CUX2: variants seen among roughly 807,000 people sequenced by gnomAD.
CUX2 encodes homeobox protein cut-like 2.
CUX2 carries 40 observed loss-of-function variants against 144.8 expected under a neutral mutation model. That is an observed-to-expected ratio of 0.28 (90% CI 0.21 to 0.36). The LOEUF is 0.36. Among genes scored for constraint, CUX2 ranks in the 10% least tolerant of loss-of-function variants. The pLI is 1.00. For missense variants in CUX2, 1,615 were observed against 1,994.0 expected, an observed-to-expected ratio of 0.81 and a Z score of 3.62; for synonymous variants, 827 against 875.6, an observed-to-expected ratio of 0.94 and a Z score of 0.98.
chr12:111,053,080 C>T (rs76552360), intron 1 of CUX2, among the ~76,000 whole-genome samples: 6,013 of 152,136 alleles, frequency 0.04, 410 homozygotes, highest in African/African-American at 0.14. Context: ...ATACATGAGG[C>T]CGCCAGAGGA....
At chr12:111,143,020 CA>C (rs1302225085) in intron 1 of CUX2, among the ~76,000 whole-genome samples, 2 of 152,076 alleles carry the variant, frequency 1.3e-5, no homozygotes, top group African/African-American at 4.8e-5. Context: ...CTGTATCTAT[CA>C]AAAAAGGACT....
At chr12:111,133,714 G>C (rs1285952106) in intron 1 of CUX2, among the ~76,000 whole-genome samples, 1 of 152,170 alleles carries the variant, frequency 6.6e-6, no homozygotes, top group Admixed American at 6.5e-5. Flanking sequence ...GAGGTGGTTG[G>C]GGGCGGGGGT....
intron 1 of CUX2, among the ~76,000 whole-genome samples, chr12:111,105,085 C>T (rs992049529): frequency 1.3e-5 from 2 of 152,196 alleles, no homozygotes; most frequent in Non-Finnish European, 2.9e-5. Context: ...GGGACCTGGG[C>T]TCATCGCTAT....
intron 1 of CUX2, among the ~76,000 whole-genome samples, chr12:111,044,476 T>TA (rs974715107): frequency 2.3e-4 from 35 of 152,236 alleles, no homozygotes; most frequent in African/African-American, 8.4e-4. Context: ...TTTTGGCACT[T>TA]ACTGTTCCCT....
Position 111,330,716 on chromosome 12 carries a change from T to TACATATAC in CUX2, c.2927-3724_2927-3723insCATATACA, listed in dbSNP as rs1467075463. Among the ~76,000 whole-genome samples, 77 of 36,954 alleles carry TACATATAC rather than the reference T, an allele frequency of 2.1e-3. 3 individuals carry two copies. Among genetic ancestry groups the TACATATAC allele is most frequent in the East Asian group, 8.0e-3 (9 of 1,122 alleles). The allele number at this position is 36,954 out of a possible 152,430, so 24.2% of individuals were successfully genotyped here. A position where few individuals can be genotyped will look rare whatever the true frequency, so the allele number is the denominator to read the frequency against. On this transcript the variant is annotated intron_variant, in intron 18 of 21. Coordinates refer to ENST00000261726, the MANE Select transcript of CUX2 (RefSeq NM_015267.4). ...ATATATATATATATATATATATATA[T>TACATATAC]ATATATATATATATATATATATATA...
chr12:111,184,758 A>G (rs1339457660), intron 1 of CUX2, among the ~76,000 whole-genome samples: 1 of 151,934 alleles, frequency 6.6e-6, no homozygotes, highest in Non-Finnish European at 1.5e-5. Context: ...CCCTGTCTCA[A>G]AAGAAAAGAA....
intron 1 of CUX2, among the ~76,000 whole-genome samples, chr12:111,055,159 A>G (rs1358017860): frequency 1.3e-5 from 2 of 152,174 alleles, no homozygotes; most frequent in East Asian, 3.9e-4. Flanking sequence ...AAGCTGCTGT[A>G]TGTGCAGATT....
intron 4 of CUX2, among the ~76,000 whole-genome samples, chr12:111,274,470 CTGG>C (rs1200561316): frequency 1.3e-5 from 2 of 152,100 alleles, no homozygotes; most frequent in African/African-American, 4.8e-5. Context: ...GCTGTTGGTG[CTGG>C]TGGTGGTGGT....
Position 111,069,551 on chromosome 12 carries a change from T to TGC in CUX2, c.63+35319_63+35320dup, listed in dbSNP as rs983788217. Among the ~76,000 whole-genome samples the TGC allele has an allele frequency of 1.1e-3, 165 of 146,600 alleles. No homozygotes were observed. The Middle Eastern group carries it at 0.014, about 12-fold the overall frequency. ...GTGTGTGTGTGTGTGTGTGTGTGTG[T>TGC]GCGCGCGCGTGTGTGTGTGTTATTT... On this transcript the variant is annotated intron_variant, in intron 1 of 21. Coordinates refer to ENST00000261726, the MANE Select transcript of CUX2 (RefSeq NM_015267.4).
chr12:111,309,215 C>G (rs1886751765), intron 14 of CUX2, among the ~76,000 whole-genome samples: 1 of 152,202 alleles, frequency 6.6e-6, no homozygotes, highest in African/African-American at 2.4e-5. Flanking sequence ...ACCCACTGAA[C>G]TTTTAGCCTT....
chr12:111,215,550 C>T (rs988465950), intron 2 of CUX2, among the ~76,000 whole-genome samples: 5 of 152,190 alleles, frequency 3.3e-5, no homozygotes, highest in African/African-American at 1.2e-4. Context: ...AAAGCCTCTC[C>T]CATGTTGTGG....
chr12:111,053,351 A>G (rs1363128576), intron 1 of CUX2, among the ~76,000 whole-genome samples: 1 of 152,172 alleles, frequency 6.6e-6, no homozygotes, highest in Non-Finnish European at 1.5e-5. Flanking sequence ...GCCCTTTCCC[A>G]GTGTCATCTC....
intron 17 of CUX2, among the ~76,000 whole-genome samples, chr12:111,321,109 A>T (rs981491123): frequency 6.6e-6 from 1 of 152,126 alleles, no homozygotes; most frequent in Admixed American, 6.6e-5. Context: ...AGGTGGGAAG[A>T]TCTCTTGAGC....
chr12:111,081,714 C>G (rs115796955), intron 1 of CUX2, among the ~76,000 whole-genome samples: 1 of 152,184 alleles, frequency 6.6e-6, no homozygotes, highest in South Asian at 2.1e-4. Flanking sequence ...CTGGATGCAG[C>G]GGGAATTGGT....
chr12:111,219,706 G>T (rs917301410), intron 3 of CUX2, among the ~76,000 whole-genome samples: 4 of 152,212 alleles, frequency 2.6e-5, no homozygotes, highest in Non-Finnish European at 5.9e-5. Flanking sequence ...GACACACGAA[G>T]AGCTGTTAGC....
At chr12:111,275,642 C>T (rs754026617) in intron 4 of CUX2, among the ~76,000 whole-genome samples, 4 of 152,132 alleles carry the variant, frequency 2.6e-5, no homozygotes, top group East Asian at 1.9e-4. Flanking sequence ...TTTTAGAGGT[C>T]GGGGGCTTGG....
At position 111,253,131 on chromosome 12, in the gene CUX2, G is replaced by C. The variant is rs754613223; in HGVS notation, c.223-10630G>C. Among the ~76,000 whole-genome samples the C allele has an allele frequency of 4.6e-5, 7 of 152,220 alleles. No homozygotes were observed. In the South Asian group the frequency reaches 1.2e-3, roughly 27 times the overall value. ...CAGGAGCCACTTCCCTGGTCTCCCTGTTTCCACCCCAGACCCTCAGTCCCT... is the reference window on the plus strand; with the variant it reads ...CAGGAGCCACTTCCCTGGTCTCCCTCTTTCCACCCCAGACCCTCAGTCCCT... On this transcript the variant is annotated intron_variant, in intron 3 of 21. Transcript: ENST00000261726.
intron 1 of CUX2, among the ~76,000 whole-genome samples, chr12:111,198,690 C>G (rs1880389817): frequency 6.6e-6 from 1 of 152,332 alleles, no homozygotes; most frequent in South Asian, 2.1e-4. Flanking sequence ...GCTTTAGAGG[C>G]AGGGGTGCCA....
rs1310806939 is a variant in CUX2, at chr12:111,077,107, C to A, written c.63+42867C>A. ...TGTATTGCCTGTTCCTAACTGTTTG[C>A]AGAATACATCTCTGCCCCCCTTGAC... is the stretch of plus-strand genomic sequence containing the variant. On this transcript the variant is annotated intron_variant, in intron 1 of 21. Transcript: ENST00000261726. The surrounding 1 kb of genome is among the most constrained non-coding windows in gnomAD (Gnocchi z 4.1). Among the ~76,000 whole-genome samples the A allele has an allele frequency of 6.6e-6, 1 of 152,212 alleles. No homozygotes were observed. Among genetic ancestry groups the A allele is most frequent in the Non-Finnish European group, 1.5e-5 (1 of 68,048 alleles).
Sources: gnomAD v4.1 joint callset for allele counts (sites outside exome capture counted in the v4.1 genomes callset) on GRCh38, gnomAD v4.1.1 for gene constraint, Gnocchi (gnomAD v3.1) non-coding constraint, MANE v1.5 for transcripts, NCBI Gene and HGNC (gene_info 2026-07-23, HGNC 2026-07-21) for gene names.